Variants in CPQ observed in about 807,000 individuals in gnomAD.
The protein encoded by CPQ is Ser-Met dipeptidase.
A neutral mutation model predicts 45.7 loss-of-function variants in CPQ; 37 were observed. That is an observed-to-expected ratio of 0.81 (90% CI 0.62 to 1.07). CPQ has a LOEUF of 1.07. Among genes scored for constraint, CPQ ranks in the 50% least tolerant of loss-of-function variants. CPQ has a pLI of 0.00. For missense variants in CPQ, 537 were observed against 572.9 expected (o/e 0.94, Z 0.64); for synonymous variants, 186 against 205.8 (o/e 0.90, Z 0.82).
intron 1 of CPQ, among the ~76,000 whole-genome samples, chr8:96,764,165 CTG>C (rs1183579947): frequency 2.0e-5 from 3 of 152,124 alleles, no homozygotes; most frequent in African/African-American, 7.2e-5. Context: ...GATAAATGAA[CTG>C]TGTTATATCT....
intron 1 of CPQ, among the ~76,000 whole-genome samples, chr8:96,771,091 TTA>T (rs539315302): frequency 1.4e-5 from 2 of 144,094 alleles, no homozygotes; most frequent in East Asian, 2.0e-4. Flanking sequence ...TATATATATA[TTA>T]TATATATATA....
chr8:96,815,214 AAATGG>A (rs1286432657), intron 2 of CPQ, among the ~76,000 whole-genome samples: 1 of 152,058 alleles, frequency 6.6e-6, no homozygotes, highest in Non-Finnish European at 1.5e-5. Flanking sequence ...AGAGAGAGAG[AAATGG>A]TAGGAGGAGA....
At chr8:96,759,093 C>G (rs1810365373) in intron 1 of CPQ, among the ~76,000 whole-genome samples, 1 of 152,208 alleles carries the variant, frequency 6.6e-6, no homozygotes, top group Admixed American at 6.5e-5. Context: ...CTTCTTGCTC[C>G]CTTGCCTTTT....
chr8:96,898,753 G>T (rs910715749), intron 4 of CPQ, among the ~76,000 whole-genome samples: 2 of 137,458 alleles, frequency 1.5e-5, no homozygotes, highest in Admixed American at 7.8e-5. Flanking sequence ...ATGTGCACAT[G>T]TACCCTAAAA....
At chr8:97,013,902 A>G (rs932784403) in intron 5 of CPQ, among the ~76,000 whole-genome samples, 1 of 152,260 alleles carries the variant, frequency 6.6e-6, no homozygotes, top group African/African-American at 2.4e-5. Flanking sequence ...AATATATTTT[A>G]CTAATAATTT....
intron 5 of CPQ, among the ~76,000 whole-genome samples, chr8:97,021,765 A>AT (rs1355849735): frequency 4.6e-5 from 7 of 152,240 alleles, no homozygotes; most frequent in Non-Finnish European, 7.3e-5. Flanking sequence ...TAGAATCAAT[A>AT]TTGTGAAAAT....
chr8:97,108,450 A>G (rs1811442055), intron 7 of CPQ, among the ~76,000 whole-genome samples: 1 of 152,278 alleles, frequency 6.6e-6, no homozygotes, highest in Admixed American at 6.5e-5. Flanking sequence ...TAAAAGAACT[A>G]GAAAGATGAA....
At chr8:96,781,548 C>T (rs370704129) in intron 1 of CPQ, among the ~76,000 whole-genome samples, 6 of 152,166 alleles carry the variant, frequency 3.9e-5, no homozygotes, top group African/African-American at 1.4e-4. Flanking sequence ...ATTACAAAGG[C>T]AATTAAATTT....
At chr8:96,804,955 G>T (rs1038956031) in intron 2 of CPQ, among the ~76,000 whole-genome samples, 1 of 152,004 alleles carries the variant, frequency 6.6e-6, no homozygotes, top group African/African-American at 2.4e-5. Flanking sequence ...CTTAGTTCAT[G>T]GAATTGAACA....
intron 2 of CPQ, among the ~76,000 whole-genome samples, chr8:96,814,795 T>A (rs1199257792): frequency 1.3e-5 from 2 of 152,056 alleles, no homozygotes; most frequent in African/African-American, 4.8e-5. Context: ...TTTTAAAAAG[T>A]GGTATAGCCA....
At chr8:96,888,568 CTGTTT>C (rs963488370) in intron 4 of CPQ, among the ~76,000 whole-genome samples, 7 of 152,124 alleles carry the variant, frequency 4.6e-5, no homozygotes, top group Non-Finnish European at 8.8e-5. Flanking sequence ...AAGGGTGTTG[CTGTTT>C]TGTTTTGTTT....
At chr8:96,678,478 T>C (rs549700153) in intron 1 of CPQ, among the ~76,000 whole-genome samples, 1 of 152,106 alleles carries the variant, frequency 6.6e-6, no homozygotes, top group South Asian at 2.1e-4. Context: ...TTTAGCTTTT[T>C]GAGAAACCTC....
chr8:96,858,024 T>C (rs967923719), intron 3 of CPQ, among the ~76,000 whole-genome samples: 1 of 152,206 alleles, frequency 6.6e-6, no homozygotes, highest in African/African-American at 2.4e-5. Flanking sequence ...TTGGAGCACC[T>C]ACCATGTATG....
At chr8:97,126,749 GA>G (rs1346203841) in intron 7 of CPQ, among the ~76,000 whole-genome samples, 3 of 151,868 alleles carry the variant, frequency 2.0e-5, no homozygotes, top group East Asian at 1.9e-4. Context: ...TTGAAAAGGA[GA>G]AAAAAAATTT....
chr8:97,048,267 T>C lies in CPQ; in HGVS notation c.1054-17742T>C, dbSNP rs188108510. ...AAAGAAAGTAATACAATTTAGAAGA[T>C]TGGGGGAGCAATTATAAAGGAAAGT... On this transcript the variant is annotated intron_variant, in intron 6 of 7. Transcript: ENST00000220763. Among the ~76,000 whole-genome samples the C allele has an allele frequency of 1.7e-3, 257 of 152,240 alleles. 3 individuals are homozygous for C. The highest frequency in any genetic ancestry group is 0.013 in the Admixed American group (195 of 15,282).
At chr8:97,065,727 G>T (rs1159277588) in intron 6 of CPQ, among the ~76,000 whole-genome samples, 1 of 152,124 alleles carries the variant, frequency 6.6e-6, no homozygotes, top group Admixed American at 6.6e-5. Flanking sequence ...ATTGCTAGTA[G>T]AAATAACTGA....
At chr8:96,730,866 C>CATACATACATATATATATATAT (rs56216136) in intron 1 of CPQ, among the ~76,000 whole-genome samples, 25 of 68,684 alleles carry the variant, frequency 3.6e-4, no homozygotes, top group East Asian at 1.9e-3. Context: ...ACCATACATA[C>CATACATACATATATATATATAT]ATATATATAT....
At chr8:96,960,630 G>A (rs1813443779) in intron 4 of CPQ, among the ~76,000 whole-genome samples, 1 of 152,078 alleles carries the variant, frequency 6.6e-6, no homozygotes, top group African/African-American at 2.4e-5. Flanking sequence ...TCCCGTACCT[G>A]ATCACCTCCT....
At chr8:97,065,477 C>G (rs1810620722) in intron 6 of CPQ, among the ~76,000 whole-genome samples, 1 of 152,116 alleles carries the variant, frequency 6.6e-6, no homozygotes, top group African/African-American at 2.4e-5. Flanking sequence ...GATGGAACAA[C>G]AACAAAATCA....
Sources: allele counts gnomAD v4.1 joint callset (sites outside exome capture counted in the v4.1 genomes callset), GRCh38; gene constraint gnomAD v4.1.1; transcripts MANE v1.5; gene names NCBI Gene and HGNC (gene_info 2026-07-23, HGNC 2026-07-21).